DPYSL2: variants seen among roughly 807,000 people sequenced by gnomAD.
DPYSL2 encodes dihydropyrimidinase-related protein 2.
In DPYSL2, 13 loss-of-function variants were observed where a neutral mutation model predicts 69.9. The ratio of observed to expected loss-of-function variants is 0.19; its 90% CI spans 0.12 to 0.30. The LOEUF (loss-of-function observed/expected upper bound fraction) is 0.30, where lower values mean the gene tolerates loss of function less well. Ranked by LOEUF, DPYSL2 falls within the 10% of genes least tolerant of loss-of-function variation. DPYSL2 has a pLI of 1.00. For missense variants in DPYSL2, 587 were observed against 918.9 expected (o/e 0.64, Z 4.67); for synonymous variants, 326 against 359.1 (o/e 0.91, Z 1.04).
chr8:26,627,991 G>T lies in DPYSL2; in HGVS notation c.1005+51G>T. 1 of 1,570,168 alleles carries T rather than the reference G, an allele frequency of 6.4e-7. No individual in the cohort carries two copies. The highest frequency in any genetic ancestry group is 1.3e-5 in the African/African-American group (1 of 74,222). Reference sequence around the variant, plus strand: ...TGAATCAGTGTCCCTTGGGCACTGTGCAGAGCCTCAGGGAACCTGCTTCCT... The same window carrying T: ...TGAATCAGTGTCCCTTGGGCACTGTTCAGAGCCTCAGGGAACCTGCTTCCT... On this transcript the variant is annotated intron_variant, in intron 7 of 13. Transcript: ENST00000521913. The surrounding 1 kb of genome is among the most constrained non-coding windows in gnomAD (Gnocchi z 6.9).
chr8:26,521,577 A>G (rs1454898463), intron 1 of DPYSL2, among the ~76,000 whole-genome samples: 3 of 151,962 alleles, frequency 2.0e-5, no homozygotes, highest in Non-Finnish European at 4.4e-5. Context: ...CTGCATTCAC[A>G]GTGTTGTGTA....
rs1461651387 is a variant in DPYSL2, at chr8:26,605,697, C to G, written c.629-18446C>G. Among the ~76,000 whole-genome samples, 2 of 151,914 alleles carry G rather than the reference C, an allele frequency of 1.3e-5. No individual in the cohort carries two copies. Among genetic ancestry groups the G allele is most frequent in the Non-Finnish European group, 2.9e-5 (2 of 67,970 alleles). On this transcript the variant is annotated intron_variant, in intron 3 of 13. Transcript: ENST00000521913. This position sits in a 1 kb window ranked among gnomAD's most constrained non-coding sequence, Gnocchi z 4.1. ...TAGCTTCCCTGTATGTCATAAATAACCAATCAGAAAACATAATTTAAAAAA... is the reference window on the plus strand; with the variant it reads ...TAGCTTCCCTGTATGTCATAAATAAGCAATCAGAAAACATAATTTAAAAAA...
intron 11 of DPYSL2, among the ~76,000 whole-genome samples, chr8:26,649,340 G>A (rs1803235182): frequency 6.6e-6 from 1 of 152,172 alleles, no homozygotes; most frequent in Non-Finnish European, 1.5e-5. Flanking sequence ...CCCCAGAGGT[G>A]CTATAAATGG....
At chr8:26,542,465 A>G (rs932756985) in intron 1 of DPYSL2, among the ~76,000 whole-genome samples, 2 of 151,956 alleles carry the variant, frequency 1.3e-5, no homozygotes, top group African/African-American at 4.8e-5. Context: ...TCTGTTGCCC[A>G]GGCTGGAGTG....
chr8:26,567,411 A>G (rs1253190864), intron 1 of DPYSL2, among the ~76,000 whole-genome samples: 3 of 150,170 alleles, frequency 2.0e-5, no homozygotes, highest in East Asian at 2.0e-4. Flanking sequence ...CACCCCACCC[A>G]TCTACTATCC....
intron 8 of DPYSL2, among the ~76,000 whole-genome samples, chr8:26,639,925 TA>T (rs1803002911): frequency 6.6e-6 from 1 of 152,218 alleles, no homozygotes; most frequent in African/African-American, 2.4e-5. Context: ...GATGTTCTTC[TA>T]GAACCACTCT....
Position 26,552,851 on chromosome 8 carries a change from G to A in DPYSL2, c.355-29118G>A, listed in dbSNP as rs530435820. Among the ~76,000 whole-genome samples the A allele has an allele frequency of 8.5e-5, 13 of 152,260 alleles. No individual in the cohort carries two copies. The South Asian group carries it at 1.2e-3, about 15-fold the overall frequency. On this transcript the variant is annotated intron_variant, in intron 1 of 13. Transcript: ENST00000521913. Reference sequence around the variant, plus strand: ...CTACCTCTCAACACTGCTGCACTGCGGATGAAGTTTCATGTGAGAAGGGAC... The same window carrying A: ...CTACCTCTCAACACTGCTGCACTGCAGATGAAGTTTCATGTGAGAAGGGAC...
At chr8:26,592,861 C>A (rs1382856523) in intron 3 of DPYSL2, among the ~76,000 whole-genome samples, 1 of 152,176 alleles carries the variant, frequency 6.6e-6, no homozygotes, top group Non-Finnish European at 1.5e-5. Context: ...GCTCTGACCC[C>A]AAGTCACCCA....
At position 26,533,187 on chromosome 8, in the gene DPYSL2, C is replaced by T. The variant is rs902530526; in HGVS notation, c.354+18508C>T. The stretch of plus-strand genomic sequence containing the variant: ...CATTTGTATCTCTTTGGAGAACTGT[C>T]TATTAAAATTCTTTGCCCATTTTTA... On this transcript the variant is annotated intron_variant, in intron 1 of 13. Coordinates refer to ENST00000521913, the MANE Select transcript of DPYSL2 (RefSeq NM_001197293.3). This position sits in a 1 kb window ranked among gnomAD's most constrained non-coding sequence, Gnocchi z 4.8. 2.0e-5 allele frequency among the ~76,000 whole-genome samples: 3 copies of T among 152,108 alleles called. No individual in the cohort carries two copies. The highest frequency in any genetic ancestry group is 6.5e-5 in the Admixed American group (1 of 15,274).
intron 1 of DPYSL2, chr8:26,578,509 C>A: frequency 7.0e-7 from 1 of 1,424,044 alleles, no homozygotes. Flanking sequence ...TAAACAGGAG[C>A]GCGAGTGCAC....
intron 1 of DPYSL2, among the ~76,000 whole-genome samples, chr8:26,537,088 G>A (rs534715556): frequency 6.6e-6 from 1 of 152,012 alleles, no homozygotes; most frequent in South Asian, 2.1e-4. Flanking sequence ...TTTCTGATGA[G>A]TGACTTAAAT....
At position 26,619,391 on chromosome 8, in the gene DPYSL2, G is replaced by A. The variant is rs577662681; in HGVS notation, c.629-4752G>A. On this transcript the variant is annotated intron_variant, in intron 3 of 13. Transcript: ENST00000521913. This position sits in a 1 kb window ranked among gnomAD's most constrained non-coding sequence, Gnocchi z 4.8. ...TTCCCCAAAGTGCTCAGCTGTGTCC[G>A]GGTCCTGAGTTTTTCAAGGGTTTAT... 62 of 152,280 alleles carry A rather than the reference G, an allele frequency of 4.1e-4. No individual in the cohort carries two copies. Among genetic ancestry groups the A allele is most frequent in the African/African-American group, 1.3e-3 (55 of 41,550 alleles). The allele number at this position is 152,280 out of a possible 1,614,324, so 9.4% of individuals were successfully genotyped here. A position where few individuals can be genotyped will look rare whatever the true frequency, so the allele number is the denominator to read the frequency against.
At chr8:26,611,256 C>T (rs1802221480) in intron 3 of DPYSL2, among the ~76,000 whole-genome samples, 2 of 152,224 alleles carry the variant, frequency 1.3e-5, no homozygotes, top group African/African-American at 4.8e-5. Flanking sequence ...TACGGAATCA[C>T]TGGGTGCTTG....
intron 1 of DPYSL2, among the ~76,000 whole-genome samples, chr8:26,569,354 CA>C (rs771471331): frequency 0.038 from 1,996 of 52,290 alleles, 62 homozygotes; most frequent in East Asian, 0.22. Flanking sequence ...ACCCTATCTC[CA>C]AAAAAAAAAC....
rs962969874 is a variant in DPYSL2 at position 26,619,949 on chromosome 8, G to T, written c.629-4194G>T. 1 of 151,860 alleles carries T rather than the reference G, an allele frequency of 6.6e-6. No individual in the cohort carries two copies. Among genetic ancestry groups the T allele is most frequent in the African/African-American group, 2.4e-5 (1 of 41,208 alleles). 9.4% of individuals were successfully genotyped at this position (151,860 alleles called of 1,614,324 possible). A position where few individuals can be genotyped will look rare whatever the true frequency, so the allele number is the denominator to read the frequency against. ...AGATGATCTGACGACACATCATTGG[G>T]ATGTGGAGTCATGGTTCCAGTCACC... On this transcript the variant is annotated intron_variant, in intron 3 of 13. Coordinates refer to ENST00000521913, the MANE Select transcript of DPYSL2 (RefSeq NM_001197293.3). The surrounding 1 kb of genome is among the most constrained non-coding windows in gnomAD (Gnocchi z 4.8).
intron 1 of DPYSL2, among the ~76,000 whole-genome samples, chr8:26,541,091 A>G (rs1221404664): frequency 6.6e-6 from 1 of 152,190 alleles, no homozygotes; most frequent in Non-Finnish European, 1.5e-5. Context: ...TCTGCACACC[A>G]AGACACATTT....
At position 26,609,628 on chromosome 8, in the gene DPYSL2, CAT is replaced by C. The variant is rs1015163260; in HGVS notation, c.629-14514_629-14513del. ...CAAACAGAGGAAGTGTCGTTATTCA[CAT>C]GTTTCTCTGGCCACCTCATCGGGCT... is the stretch of plus-strand genomic sequence containing the variant. On this transcript the variant is annotated intron_variant, in intron 3 of 13. Transcript: ENST00000521913. This position sits in a 1 kb window ranked among gnomAD's most constrained non-coding sequence, Gnocchi z 6.5. Among the ~76,000 whole-genome samples the C allele has an allele frequency of 3.3e-5, 5 of 152,340 alleles. No homozygotes were observed. Among genetic ancestry groups the C allele is most frequent in the South Asian group, 4.1e-4 (2 of 4,826 alleles).
At chr8:26,518,954 C>T (rs1183789868) in intron 1 of DPYSL2, among the ~76,000 whole-genome samples, 1 of 152,182 alleles carries the variant, frequency 6.6e-6, no homozygotes, top group Non-Finnish European at 1.5e-5. Flanking sequence ...GGCCTATAAC[C>T]TAACTAGAAG....
intron 1 of DPYSL2, among the ~76,000 whole-genome samples, chr8:26,561,565 T>A (rs1801071610): frequency 6.7e-6 from 1 of 148,252 alleles, no homozygotes; most frequent in African/African-American, 2.5e-5. Context: ...ACACCCCCAC[T>A]TCACCCCGCT....
Sources: allele counts gnomAD v4.1 joint callset (sites outside exome capture counted in the v4.1 genomes callset), GRCh38; gene constraint gnomAD v4.1.1; non-coding constraint Gnocchi (gnomAD v3.1); transcripts MANE v1.5; gene names NCBI Gene and HGNC (gene_info 2026-07-23, HGNC 2026-07-21).